The following WNT3 variants were observed in gnomAD, a reference collection of about 807,000 sequenced individuals.
The protein encoded by WNT3 is Wnt family member 3.
In WNT3, 7 loss-of-function variants were observed where a neutral mutation model predicts 34.2. The ratio of observed to expected loss-of-function variants is 0.20; its 90% CI spans 0.12 to 0.38. The LOEUF (loss-of-function observed/expected upper bound fraction) is 0.38. WNT3 is among the 10% of genes least tolerant of loss of function. WNT3 has a pLI of 1.00. For missense variants in WNT3, 267 were observed against 499.8 expected (o/e 0.53, Z 4.44); for synonymous variants, 212 against 211.5 (o/e 1.00, Z -0.02).
At chr17:46,784,837 G>A (rs1346222292) in intron 1 of WNT3, among the ~76,000 whole-genome samples, 42 of 149,684 alleles carry the variant, frequency 2.8e-4, no homozygotes, top group Middle Eastern at 6.8e-3. Context: ...GTGCAGTGGC[G>A]CGATCTCGGG....
chr17:46,816,400 G>A (rs956455392), intron 1 of WNT3, among the ~76,000 whole-genome samples: 1 of 149,142 alleles, frequency 6.7e-6, no homozygotes, highest in African/African-American at 2.5e-5. Flanking sequence ...CCAGTTGCAG[G>A]CACAAACACT....
chr17:46,810,071 A>G (rs1472652080), intron 1 of WNT3, among the ~76,000 whole-genome samples: 2 of 148,056 alleles, frequency 1.4e-5, no homozygotes, highest in Admixed American at 6.8e-5. Context: ...CAGTGGTGCA[A>G]TCTCGGCTCA....
At chr17:46,786,635 C>G (rs2059508836) in intron 1 of WNT3, among the ~76,000 whole-genome samples, 2 of 152,214 alleles carry the variant, frequency 1.3e-5, no homozygotes, top group Admixed American at 6.5e-5. Flanking sequence ...CAGGTAAAGC[C>G]CAGATGCCCT....
chr17:46,771,252 G>A (rs1350262230), intron 2 of WNT3, among the ~76,000 whole-genome samples: 1 of 152,122 alleles, frequency 6.6e-6, no homozygotes, highest in Non-Finnish European at 1.5e-5. Flanking sequence ...AGGGCCGACC[G>A]AGGACGGCGG....
chr17:46,799,247 AG>A (rs1423770801), intron 1 of WNT3, among the ~76,000 whole-genome samples: 1 of 152,010 alleles, frequency 6.6e-6, no homozygotes, highest in Non-Finnish European at 1.5e-5. Context: ...TTCTTCAGAT[AG>A]GCTTATTGGT....
intron 1 of WNT3, among the ~76,000 whole-genome samples, chr17:46,802,609 T>C (rs991150401): frequency 3.3e-5 from 5 of 151,996 alleles, no homozygotes; most frequent in African/African-American, 4.8e-5. Flanking sequence ...CCCAACCCCA[T>C]CCTTTGGGAA....
chr17:46,815,932 C>T (rs2084336051), intron 1 of WNT3, among the ~76,000 whole-genome samples: 1 of 152,172 alleles, frequency 6.6e-6, no homozygotes, highest in South Asian at 2.1e-4. Context: ...CAGCCCTGGG[C>T]CCAGCACCTG....
chr17:46,775,725 T>G (rs1214669320), intron 1 of WNT3, among the ~76,000 whole-genome samples: 1 of 150,130 alleles, frequency 6.7e-6, no homozygotes, highest in Non-Finnish European at 1.5e-5. Context: ...ACCATTCTCC[T>G]GCCTCAGCCT....
chr17:46,770,856 C>G (rs1598755880), intron 2 of WNT3, among the ~76,000 whole-genome samples: 1 of 152,350 alleles, frequency 6.6e-6, no homozygotes, highest in Non-Finnish European at 1.5e-5. Flanking sequence ...AAGTTTTACT[C>G]ATTTTATAGA....
rs200609079 is a variant in WNT3 at position 46,773,648 on chromosome 17, C to A, written c.322+20G>T. 7.4e-5 allele frequency: 114 copies of A among 1,531,266 alleles called. 1 individual carries two copies. The highest frequency in any genetic ancestry group is 8.6e-5 in the Non-Finnish European group (97 of 1,128,808). The allele number at this position is 1,531,266 out of a possible 1,614,324, so 94.9% of individuals were successfully genotyped here. A position where few individuals can be genotyped will look rare whatever the true frequency, so the allele number is the denominator to read the frequency against. On this transcript the variant is annotated intron_variant, in intron 2 of 4. Coordinates refer to ENST00000225512, the MANE Select transcript of WNT3 (RefSeq NM_030753.5). ...TCCCCCCACCCAGCCCCTCCCCCCC[C>A]CTCAGCCCCAAGGCAGTACCTTTGT... is the stretch of plus-strand genomic sequence containing the variant.
chr17:46,800,504 C>T (rs1398620276), intron 1 of WNT3, among the ~76,000 whole-genome samples: 1 of 131,404 alleles, frequency 7.6e-6, no homozygotes, highest in African/African-American at 2.6e-5. Context: ...GAATCCCTGC[C>T]CTCAGGGGCT....
intron 1 of WNT3, among the ~76,000 whole-genome samples, chr17:46,780,295 C>A (rs1027034991): frequency 2.0e-5 from 3 of 152,112 alleles, no homozygotes; most frequent in Non-Finnish European, 4.4e-5. Flanking sequence ...CTGCCAGCAC[C>A]CACTCCCCTG....
chr17:46,786,061 AC>A (rs55909661), intron 1 of WNT3, among the ~76,000 whole-genome samples: 2 of 33,586 alleles, frequency 6.0e-5, no homozygotes, highest in Admixed American at 3.5e-4. Flanking sequence ...TTTCTTACCC[AC>A]CCCCCCACCC....
chr17:46,809,343 G>A (rs534061245), intron 1 of WNT3, among the ~76,000 whole-genome samples: 13 of 152,332 alleles, frequency 8.5e-5, no homozygotes, highest in African/African-American at 2.9e-4. Context: ...GGCCCTGCGA[G>A]ATTGGTTTTC....
At chr17:46,794,546 C>T (rs1235619128) in intron 1 of WNT3, among the ~76,000 whole-genome samples, 1 of 152,094 alleles carries the variant, frequency 6.6e-6, no homozygotes, top group Non-Finnish European at 1.5e-5. Context: ...GGCTGGCTCT[C>T]CTTTGTTTGC....
chr17:46,808,859 C>G (rs186532909), intron 1 of WNT3, among the ~76,000 whole-genome samples: 1 of 152,222 alleles, frequency 6.6e-6, no homozygotes, highest in East Asian at 1.9e-4. Flanking sequence ...AGGCTCATCT[C>G]CACTCCTGGG....
chr17:46,769,869 C>A lies in WNT3; in HGVS notation c.502G>T (p.Val168Leu), dbSNP rs143350900. 1 of 1,613,526 alleles carries A rather than the reference C, an allele frequency of 6.2e-7. No homozygotes were observed. Among genetic ancestry groups the A allele is most frequent in the Non-Finnish European group, 8.5e-7 (1 of 1,179,932 alleles). ...CGCGCATCCGCGAACTCCCTGGACA[C>A]TAACACGCCGAAGTCAGCGTCCTCG... The part of the protein sequence containing the change: ...CSEDADFGVL[V>L]SREFADAREN... Residue 168 changes from valine (V) to leucine (L), a missense_variant, in exon 3 of 5, where the codon GTG becomes TTG. Physicochemically the swap from Val to Leu is conservative, Grantham distance 32. This residue lies in a region of WNT3 where 181 missense variants were observed against 391.3 expected (regional missense o/e 0.46). Coordinates refer to ENST00000225512, the MANE Select transcript of WNT3 (RefSeq NM_030753.5).
intron 1 of WNT3, among the ~76,000 whole-genome samples, chr17:46,787,399 A>G (rs537813853): frequency 6.6e-6 from 1 of 152,348 alleles, no homozygotes; most frequent in East Asian, 1.9e-4. Flanking sequence ...GTTAGGTCAT[A>G]AAATGTCAAA....
In WNT3 at chr17:46,768,629, T is replaced by C; in HGVS notation, c.759A>G (p.Arg253=). The C allele has an allele frequency of 6.2e-7, 1 of 1,614,128 alleles. No homozygotes were observed. The highest frequency in any genetic ancestry group is 8.5e-7 in the Non-Finnish European group (1 of 1,180,022). Residue 253 remains arginine, a synonymous_variant, in exon 4 of 5, where the codon CGA becomes CGG. Coordinates refer to ENST00000225512, the MANE Select transcript of WNT3 (RefSeq NM_030753.5). The surrounding 1 kb of genome is among the most constrained non-coding windows in gnomAD (Gnocchi z 5.0). ...EMVVEKHRES[R]GWVETLRAKY... The stretch of plus-strand genomic sequence containing the variant: ...TGGCCCGGAGGGTCTCCACCCAGCC[T>C]CGGGACTCACGGTGCTTCTCTACTA...
Sources: gnomAD v4.1 joint callset for allele counts (sites outside exome capture counted in the v4.1 genomes callset) on GRCh38, gnomAD v4.1.1 for gene constraint, gnomAD v4.1.1 regional missense constraint, Gnocchi (gnomAD v3.1) non-coding constraint, MANE v1.5 for transcripts, NCBI Gene and HGNC (gene_info 2026-07-23, HGNC 2026-07-21) for gene names.